The following DNAJC10 variants were observed in gnomAD, a reference collection of about 807,000 sequenced individuals.
DNAJC10 encodes the protein DnaJ heat shock protein family (Hsp40) member C10, also known as endoplasmic reticulum disulfide reductase DNAJC10.
DNAJC10 carries 101 observed loss-of-function variants against 115.0 expected under a neutral mutation model. The observed-to-expected ratio is 0.88, with a 90% CI of 0.75 to 1.04. The LOEUF (loss-of-function observed/expected upper bound fraction) is 1.04, where lower values mean the gene tolerates loss of function less well. Among genes scored for constraint, DNAJC10 ranks in the 50% least tolerant of loss-of-function variants. DNAJC10 has a pLI of 0.00. For synonymous variants in DNAJC10, 307 were observed against 301.5 expected (o/e 1.02, Z -0.19); for missense variants, 981 against 928.8 (o/e 1.06, Z -0.73).
chr2:182,774,675 C>T (rs992879250), intron 22 of DNAJC10, among the ~76,000 whole-genome samples: 8 of 152,240 alleles, frequency 5.3e-5, no homozygotes, highest in African/African-American at 1.9e-4. Context: ...GAGAGAATCT[C>T]CTTGTCTGCA....
intron 11 of DNAJC10, 38 bp downstream of exon 11, chr2:182,736,424 G>T: frequency 1.4e-6 from 2 of 1,393,814 alleles, no homozygotes; most frequent in Non-Finnish European, 1.9e-6. Context: ...TACATATAAT[G>T]TGCAAACACC....
intron 8 of DNAJC10, chr2:182,730,688 C>A (rs1693422025): frequency 2.8e-6 from 1 of 352,598 alleles, no homozygotes; most frequent in Non-Finnish European, 5.5e-6. Context: ...GGCAATACTT[C>A]ATGAATCTGA....
In DNAJC10 at chr2:182,778,990, ACT is replaced by A. The variant is rs1694779133; in HGVS notation, c.*1859_*1860del. ...CCCATCTTCCAACTGTCTGTAATTC[ACT>A]GTTTTGTCATTGAGCTCATAAGGTA... is the stretch of plus-strand genomic sequence containing the variant. On this transcript the variant is annotated 3_prime_UTR_variant, in exon 24 of 24. Transcript: ENST00000264065. 6.6e-6 allele frequency: 1 copy of A among 152,198 alleles called. No homozygotes were observed. Among genetic ancestry groups the A allele is most frequent in the East Asian group, 1.9e-4 (1 of 5,194 alleles). 9.4% of individuals were successfully genotyped at this position (152,198 alleles called of 1,614,324 possible). A position where few individuals can be genotyped will look rare whatever the true frequency, so the allele number is the denominator to read the frequency against.
intron 14 of DNAJC10, among the ~76,000 whole-genome samples, chr2:182,749,173 T>C (rs1184465373): frequency 6.7e-6 from 1 of 148,996 alleles, no homozygotes; most frequent in African/African-American, 2.5e-5. Flanking sequence ...CTATTAGGTC[T>C]GCTTGGTGCA....
In DNAJC10 at chr2:182,793,287, G is replaced by T. The variant is rs548951122; in HGVS notation, c.*16155G>T. The T allele has an allele frequency of 6.6e-6, 1 of 152,324 alleles. No individual in the cohort carries two copies. The highest frequency in any genetic ancestry group is 1.9e-4 in the East Asian group (1 of 5,178). The allele number at this position is 152,324 out of a possible 1,614,324, so 9.4% of individuals were successfully genotyped here. A position where few individuals can be genotyped will look rare whatever the true frequency, so the allele number is the denominator to read the frequency against. On this transcript the variant is annotated 3_prime_UTR_variant, in exon 24 of 24. Coordinates refer to ENST00000264065, the MANE Select transcript of DNAJC10 (RefSeq NM_018981.4). The stretch of plus-strand genomic sequence containing the variant: ...GAAAGTGGGGAGCCAGATCATAGAG[G>T]GCTTTGCAGGTCACTTGTAAGGACT...
rs1037610521 is a variant in DNAJC10, at chr2:182,792,054, A to G, written c.*14922A>G. Reference sequence around the variant, plus strand: ...ATGTTTCCCTGTCCTAGAGTGCATGAACTTTCAAAGCCAGGACACAATCTT... The same window carrying G: ...ATGTTTCCCTGTCCTAGAGTGCATGGACTTTCAAAGCCAGGACACAATCTT... On this transcript the variant is annotated 3_prime_UTR_variant, in exon 24 of 24. Transcript: ENST00000264065. 1 of 152,186 alleles carries G rather than the reference A, an allele frequency of 6.6e-6. No individual in the cohort carries two copies. 9.4% of individuals were successfully genotyped at this position (152,186 alleles called of 1,614,324 possible).
chr2:182,718,934 TATA>T (rs1693071903), intron 3 of DNAJC10, among the ~76,000 whole-genome samples: 1 of 152,156 alleles, frequency 6.6e-6, no homozygotes, highest in Non-Finnish European at 1.5e-5. Flanking sequence ...AAGACATAGT[TATA>T]ATTTTCTCTT....
chr2:182,720,816 A>G (rs1333922602), intron 4 of DNAJC10, among the ~76,000 whole-genome samples: 2 of 152,164 alleles, frequency 1.3e-5, no homozygotes, highest in African/African-American at 2.4e-5. Flanking sequence ...TTAGAGCATC[A>G]TATTGTCCAA....
chr2:182,736,288 CA>C lies in DNAJC10; in HGVS notation c.890del (p.Gln297ArgfsTer8). ...TGTAGGATGGATGGACTGTGCCACCCAGGATAACCTTTGTAAAAGCTTAGAT... is the reference window on the plus strand; with the variant it reads ...TGTAGGATGGATGGACTGTGCCACCCGGATAACCTTTGTAAAAGCTTAGAT... ...VNVGWMDCAT[Q>X]DNLCKSLDIT... is the part of the protein sequence containing the mutation. On this transcript the variant is annotated frameshift_variant, in exon 11 of 24. Transcript: ENST00000264065. LOFTEE classifies it high-confidence loss of function. The C allele has an allele frequency of 6.3e-7, 1 of 1,590,774 alleles. No individual in the cohort carries two copies. The highest frequency in any genetic ancestry group is 8.5e-7 in the Non-Finnish European group (1 of 1,171,584).
At chr2:182,747,334 G>T (rs1378651807) in intron 14 of DNAJC10, among the ~76,000 whole-genome samples, 5 of 152,102 alleles carry the variant, frequency 3.3e-5, no homozygotes, top group South Asian at 2.1e-4. Flanking sequence ...TATGGCCATT[G>T]TCACAATATT....
At position 182,740,021 on chromosome 2, in the gene DNAJC10, A is replaced by G. The variant is rs769770966; in HGVS notation, c.988-278A>G. ...GGATTTTTCTGAGCATTTTTATAGAATACACATCATAGTTAATTAAAAATT... is the reference window on the plus strand; with the variant it reads ...GGATTTTTCTGAGCATTTTTATAGAGTACACATCATAGTTAATTAAAAATT... On this transcript the variant is annotated intron_variant, in intron 11 of 23. Transcript: ENST00000264065. 4.3e-5 allele frequency: 44 copies of G among 1,018,834 alleles called. No homozygotes were observed. In the South Asian group the frequency reaches 4.6e-4, roughly 11 times the overall value. The allele number at this position is 1,018,834 out of a possible 1,614,324, so 63.1% of individuals were successfully genotyped here. A position where few individuals can be genotyped will look rare whatever the true frequency, so the allele number is the denominator to read the frequency against.
chr2:182,789,677 C>T lies in DNAJC10; in HGVS notation c.*12545C>T. On this transcript the variant is annotated 3_prime_UTR_variant, in exon 24 of 24. Coordinates refer to ENST00000264065, the MANE Select transcript of DNAJC10 (RefSeq NM_018981.4). ...AATATCAGAAACCCTGCTTTCAGTTCTTTCAGCTATATACCTAGAAGTGTA... is the reference window on the plus strand; with the variant it reads ...AATATCAGAAACCCTGCTTTCAGTTTTTTCAGCTATATACCTAGAAGTGTA... The T allele has an allele frequency of 6.6e-6, 1 of 152,182 alleles. No homozygotes were observed. Among genetic ancestry groups the T allele is most frequent in the Non-Finnish European group, 1.5e-5 (1 of 68,034 alleles). The allele number at this position is 152,182 out of a possible 1,614,324, so 9.4% of individuals were successfully genotyped here.
chr2:182,751,669 C>G lies in DNAJC10; in HGVS notation c.1318C>G (p.Leu440Val). Residue 440 changes from leucine to valine, a missense_variant, in exon 15 of 24, where the codon CTA becomes GTA. By Grantham distance (32) the Leu-to-Val change is conservative (BLOSUM62 1). Transcript: ENST00000264065. ...EYEIHHGKKILYDILAFAKES... is the reference protein window; with the variant it reads ...EYEIHHGKKIVYDILAFAKES... ...ATTCACTTTGAAAGGAAAGAAGATTCTATATGATATACTTGCCTTTGCCAA... is the reference window on the plus strand; with the variant it reads ...ATTCACTTTGAAAGGAAAGAAGATTGTATATGATATACTTGCCTTTGCCAA... 6.2e-7 allele frequency: 1 copy of G among 1,613,154 alleles called. No individual in the cohort carries two copies. Among genetic ancestry groups the G allele is most frequent in the Non-Finnish European group, 8.5e-7 (1 of 1,179,696 alleles).
rs1022416841 is a variant in DNAJC10 at position 182,789,588 on chromosome 2, C to T, written c.*12456C>T. The T allele has an allele frequency of 6.6e-6, 1 of 152,140 alleles. No individual in the cohort carries two copies. Among genetic ancestry groups the T allele is most frequent in the African/African-American group, 2.4e-5 (1 of 41,422 alleles). The allele number at this position is 152,140 out of a possible 1,614,324, so 9.4% of individuals were successfully genotyped here. A position where few individuals can be genotyped will look rare whatever the true frequency, so the allele number is the denominator to read the frequency against. On this transcript the variant is annotated 3_prime_UTR_variant, in exon 24 of 24. Transcript: ENST00000264065. ...TACATTCTACATTTTGTTATTCGTC[C>T]GTTGATAGGCTGCCTTCACCCTTTG...
At chr2:182,772,644 G>T (rs288288) in intron 22 of DNAJC10, among the ~76,000 whole-genome samples, 93,898 of 147,482 alleles carry the variant, frequency 0.64, 29,463 homozygotes, top group African/African-American at 0.71. Flanking sequence ...AACCCATGGT[G>T]TTTTGTTTTG....
chr2:182,723,844 A>C (rs1190389135), intron 5 of DNAJC10, among the ~76,000 whole-genome samples: 1 of 152,230 alleles, frequency 6.6e-6, no homozygotes, highest in Non-Finnish European at 1.5e-5. Context: ...ATAGAACCCC[A>C]AATGGTAGTT....
At chr2:182,733,037 A>G (rs960844185) in intron 10 of DNAJC10, among the ~76,000 whole-genome samples, 3 of 151,930 alleles carry the variant, frequency 2.0e-5, no homozygotes, top group Non-Finnish European at 2.9e-5. Flanking sequence ...ATGTTATGTT[A>G]GGTGTAATAT....
At chr2:182,765,179 A>G (rs1428936999) in intron 22 of DNAJC10, among the ~76,000 whole-genome samples, 1 of 152,162 alleles carries the variant, frequency 6.6e-6, no homozygotes, top group Non-Finnish European at 1.5e-5. Flanking sequence ...GGCTGGTAAT[A>G]AAGATACTCC....
chr2:182,730,525 T>C, intron 8 of DNAJC10: 2 of 451,444 alleles, frequency 4.4e-6, no homozygotes, highest in South Asian at 3.2e-5. Flanking sequence ...ATAGGTACTA[T>C]TATTATAGAG....
Sources: allele counts gnomAD v4.1 joint callset (sites outside exome capture counted in the v4.1 genomes callset), GRCh38; gene constraint gnomAD v4.1.1; transcripts MANE v1.5; gene names NCBI Gene and HGNC (gene_info 2026-07-23, HGNC 2026-07-21).